CFAP47: variants seen among roughly 807,000 people sequenced by gnomAD.
CFAP47 encodes the protein cilia- and flagella-associated protein 47.
A neutral mutation model predicts 148.1 loss-of-function variants in CFAP47; 29 were observed. The ratio of observed to expected loss-of-function variants is 0.20; its 90% CI spans 0.15 to 0.27. The LOEUF is 0.27. Among genes scored for constraint, CFAP47 ranks in the 10% least tolerant of loss-of-function variants. The pLI is 1.00. For missense variants in CFAP47, 1,872 were observed against 1,697.5 expected (o/e 1.10, Z -1.81); for synonymous variants, 664 against 577.3 (o/e 1.15, Z -2.15).
chrX:36,043,677 G>A (rs1937431665), intron 25 of CFAP47, among the ~76,000 whole-genome samples: 1 of 112,719 alleles, frequency 8.9e-6, no homozygotes, highest in African/African-American at 3.2e-5. Context: ...GGAGGGTACA[G>A]CTGTTGTGGC....
At chrX:36,004,547 A>G (rs1007325649) in intron 21 of CFAP47, among the ~76,000 whole-genome samples, 1 of 110,890 alleles carries the variant, frequency 9.0e-6, no homozygotes, top group African/African-American at 3.3e-5. Context: ...AATGTGGTAT[A>G]TCCATACTCT....
At chrX:36,366,269 C>A (rs782023776) in intron 61 of CFAP47, among the ~76,000 whole-genome samples, 1 of 111,698 alleles carries the variant, frequency 9.0e-6, no homozygotes, top group African/African-American at 3.2e-5. Flanking sequence ...CTACCCTAAA[C>A]AAGCAAACAG....
rs1344348625 is a variant in CFAP47 at position 36,174,102 on chromosome X, A to G, written c.6027-5243A>G. On this transcript the variant is annotated intron_variant, in intron 39 of 63. Transcript: ENST00000378653. ...TCTTTGTTGGTTTAAAGTCTGTTTT[A>G]TCAGAGACTAGGATTGCAACCCCTG... is the stretch of plus-strand genomic sequence containing the variant. Among the ~76,000 whole-genome samples the G allele has an allele frequency of 5.6e-5, 6 of 107,078 alleles. No individual in the cohort carries two copies. In the East Asian group the frequency reaches 1.8e-3, roughly 32 times the overall value. 93.0% of individuals were successfully genotyped at this position (107,078 alleles called of 115,157 possible). A position where few individuals can be genotyped will look rare whatever the true frequency, so the allele number is the denominator to read the frequency against.
At chrX:35,924,061 G>A (rs1436013068) in intron 1 of CFAP47, among the ~76,000 whole-genome samples, 4 of 91,549 alleles carry the variant, frequency 4.4e-5, no homozygotes, top group Admixed American at 1.2e-4. Context: ...ACATGTATGC[G>A]CACATATATG....
At chrX:36,289,364 T>C (rs1322063597) in intron 51 of CFAP47, among the ~76,000 whole-genome samples, 7 of 111,392 alleles carry the variant, frequency 6.3e-5, no homozygotes, top group African/African-American at 2.3e-4. Context: ...ATAAGTGTTG[T>C]CCATGACATT....
At chrX:36,115,254 C>A (rs972742704) in intron 33 of CFAP47, among the ~76,000 whole-genome samples, 15 of 111,414 alleles carry the variant, frequency 1.3e-4, no homozygotes, top group African/African-American at 4.9e-4. Flanking sequence ...TCCTTTATTG[C>A]AGAGGTTTTT....
At chrX:36,037,925 T>G (rs1937357667) in intron 24 of CFAP47, among the ~76,000 whole-genome samples, 1 of 111,886 alleles carries the variant, frequency 8.9e-6, no homozygotes, top group Admixed American at 9.5e-5. Context: ...ATTTAAATTT[T>G]TCACATAGTC....
chrX:36,317,046 C>G (rs1357886543), intron 56 of CFAP47, among the ~76,000 whole-genome samples: 1 of 111,976 alleles, frequency 8.9e-6, no homozygotes, highest in Non-Finnish European at 1.9e-5. Flanking sequence ...CTTGGCCTCC[C>G]AAATTTCTGG....
chrX:35,939,149 C>T (rs958065880), intron 2 of CFAP47, among the ~76,000 whole-genome samples: 1 of 110,886 alleles, frequency 9.0e-6, no homozygotes, highest in East Asian at 2.8e-4. Context: ...TGAGAAGATG[C>T]CTTTATACCA....
At chrX:36,196,350 A>G (rs1179762090) in intron 42 of CFAP47, among the ~76,000 whole-genome samples, 1 of 111,590 alleles carries the variant, frequency 9.0e-6, no homozygotes, top group Non-Finnish European at 1.9e-5. Flanking sequence ...TCAAAATAAT[A>G]TAATATTGCT....
At chrX:36,319,082 A>G (rs1306470166) in intron 56 of CFAP47, 127 bp from the exon 57 acceptor site, 7 of 322,365 alleles carry the variant, frequency 2.2e-5, no homozygotes, top group South Asian at 8.3e-5. Context: ...TTTAAAATAT[A>G]CTTTGAAAGA....
intron 49 of CFAP47, among the ~76,000 whole-genome samples, chrX:36,268,336 A>G (rs182249525): frequency 2.6e-5 from 3 of 113,384 alleles, no homozygotes; most frequent in African/African-American, 9.6e-5. Context: ...ACCTGCTTGA[A>G]GAAAAGTAAA....
At chrX:36,171,185 T>A (rs1211926306) in intron 39 of CFAP47, among the ~76,000 whole-genome samples, 1 of 106,940 alleles carries the variant, frequency 9.4e-6, no homozygotes, top group Non-Finnish European at 1.9e-5. Context: ...TCATTGTAGA[T>A]TCTGGATATT....
intron 49 of CFAP47, among the ~76,000 whole-genome samples, chrX:36,275,603 G>T (rs1556002552): frequency 9.0e-6 from 1 of 110,769 alleles, no homozygotes; most frequent in Non-Finnish European, 1.9e-5. Context: ...CCAGTGTTTT[G>T]TTGAGGATTT....
At chrX:35,993,117 G>A (rs1364326546) in intron 17 of CFAP47, 73 bp from the exon 18 acceptor site, 1 of 274,986 alleles carries the variant, frequency 3.6e-6, no homozygotes, top group Non-Finnish European at 6.4e-6. Flanking sequence ...GTGGCATGGA[G>A]GCTTTCCTAT....
rs782661156 is a variant in CFAP47, at chrX:36,275,891, C to T, written c.7445-4596C>T. 1.4e-4 allele frequency among the ~76,000 whole-genome samples: 15 copies of T among 110,935 alleles called. No individual in the cohort carries two copies. The South Asian group carries it at 5.6e-3, about 41-fold the overall frequency. On this transcript the variant is annotated intron_variant, in intron 49 of 63. Coordinates refer to ENST00000378653, the MANE Select transcript of CFAP47 (RefSeq NM_001304548.2). ...CTCACAGTTTTGTATCTATGCAGAT[C>T]TTCTAGTTCTTCAAGAGACAGTTTT...
chrX:36,179,967 G>A (rs1375011494), intron 40 of CFAP47, among the ~76,000 whole-genome samples: 1 of 110,846 alleles, frequency 9.0e-6, no homozygotes, highest in Non-Finnish European at 1.9e-5. Context: ...ACTTTTATAA[G>A]GATTGAAATA....
At chrX:36,211,285 G>A (rs1207914938) in intron 45 of CFAP47, 1 of 247,626 alleles carries the variant, frequency 4.0e-6, no homozygotes, top group Non-Finnish European at 7.7e-6. Context: ...TAAAGAGAAA[G>A]GAAAATTTGA....
chrX:36,193,377 T>C (rs1353079456), intron 42 of CFAP47, among the ~76,000 whole-genome samples: 1 of 112,119 alleles, frequency 8.9e-6, no homozygotes, highest in Non-Finnish European at 1.9e-5. Flanking sequence ...ATTAGAGATA[T>C]ATTTATAGCT....
Sources: allele counts gnomAD v4.1 joint callset (sites outside exome capture counted in the v4.1 genomes callset), GRCh38; gene constraint gnomAD v4.1.1; transcripts MANE v1.5; gene names NCBI Gene and HGNC (gene_info 2026-07-23, HGNC 2026-07-21).